Variants in FNDC3B observed in about 807,000 individuals in gnomAD.
FNDC3B encodes fibronectin type III domain containing 3B.
In FNDC3B, 12 loss-of-function variants were observed where a neutral mutation model predicts 151.5. The ratio of observed to expected loss-of-function variants is 0.08; its 90% confidence interval spans 0.05 to 0.13. FNDC3B has a LOEUF of 0.13. FNDC3B is among the 10% of genes least tolerant of loss of function. The pLI is 1.00. For synonymous variants in FNDC3B, 528 were observed against 549.0 expected (o/e 0.96, Z 0.54); for missense variants, 1,214 against 1,505.3 (o/e 0.81, Z 3.20).
At chr3:172,206,049 C>T (rs763321802) in intron 3 of FNDC3B, among the ~76,000 whole-genome samples, 6 of 152,074 alleles carry the variant, frequency 3.9e-5, no homozygotes, top group Admixed American at 1.3e-4. Flanking sequence ...ATGGATTGAG[C>T]GGGGATATGT....
intron 1 of FNDC3B, among the ~76,000 whole-genome samples, chr3:172,052,394 G>A (rs1716709883): frequency 6.6e-6 from 1 of 152,116 alleles, no homozygotes; most frequent in Non-Finnish European, 1.5e-5. Flanking sequence ...CCTTTTATAA[G>A]TGAAATTCTA....
At chr3:172,309,408 T>C (rs1731352572) in intron 10 of FNDC3B, among the ~76,000 whole-genome samples, 1 of 152,076 alleles carries the variant, frequency 6.6e-6, no homozygotes, top group Non-Finnish European at 1.5e-5. Flanking sequence ...AGTAGTGGGG[T>C]AGGATATCAT....
rs139220821 is a variant in FNDC3B, at chr3:172,367,763, G to A, written c.3008+4918G>A. Among the ~76,000 whole-genome samples, 187 of 152,316 alleles carry A rather than the reference G, an allele frequency of 1.2e-3. 1 individual carries two copies. Among genetic ancestry groups the A allele is most frequent in the Non-Finnish European group, 1.7e-3 (119 of 68,020 alleles). On this transcript the variant is annotated intron_variant, in intron 23 of 25. Transcript: ENST00000415807. ...TACACAACACTGAGGCGGGAAGAACGTAAATTCCAGGAATGCATTTATGGT... is the reference window on the plus strand; with the variant it reads ...TACACAACACTGAGGCGGGAAGAACATAAATTCCAGGAATGCATTTATGGT...
At chr3:172,162,590 A>G (rs1170211698) in intron 3 of FNDC3B, among the ~76,000 whole-genome samples, 1 of 150,946 alleles carries the variant, frequency 6.6e-6, no homozygotes, top group Admixed American at 6.6e-5. Flanking sequence ...GTACCACTTT[A>G]TCTTCCCACC....
rs150488615 is a variant in FNDC3B at position 172,133,480 on chromosome 3, G to T, written c.121G>T (p.Val41Phe). ...TGTGTTGTTTTGGCAGGTTATTCTC[G>T]TTCAAGTTAATCCAGGTGAGACTTT... is the stretch of plus-strand genomic sequence containing the variant. ...NGDAAQQVIL[V>F]QVNPGETFTI... Residue 41 changes from valine (V) to phenylalanine (F), a missense_variant, in exon 3 of 26, where the codon GTT becomes TTT. Coordinates refer to ENST00000415807, the MANE Select transcript of FNDC3B (RefSeq NM_022763.4). 1 of 1,612,894 alleles carries T rather than the reference G, an allele frequency of 6.2e-7. No homozygotes were observed. Among genetic ancestry groups the T allele is most frequent in the South Asian group, 1.1e-5 (1 of 90,986 alleles).
At chr3:172,332,470 G>A (rs2108291159) in intron 13 of FNDC3B, among the ~76,000 whole-genome samples, 1 of 152,332 alleles carries the variant, frequency 6.6e-6, no homozygotes, top group Middle Eastern at 3.4e-3. Flanking sequence ...TGGAATGTGA[G>A]CTTCTTGTGG....
chr3:172,350,251 C>G (rs180803976), intron 21 of FNDC3B, among the ~76,000 whole-genome samples: 1 of 152,178 alleles, frequency 6.6e-6, no homozygotes, highest in South Asian at 2.1e-4. Flanking sequence ...ATGAATTAGG[C>G]ATTACTGTCC....
intron 1 of FNDC3B, among the ~76,000 whole-genome samples, chr3:172,059,316 T>A (rs1934575111): frequency 6.6e-6 from 1 of 152,156 alleles, no homozygotes; most frequent in Admixed American, 6.5e-5. Flanking sequence ...TAGTAAGAAG[T>A]CCTGTGATCC....
chr3:172,308,680 A>G (rs1306256536), intron 10 of FNDC3B, among the ~76,000 whole-genome samples: 1 of 152,200 alleles, frequency 6.6e-6, no homozygotes, highest in Admixed American at 6.5e-5. Flanking sequence ...GGACAGAAGC[A>G]AAGTTTAAAC....
intron 3 of FNDC3B, among the ~76,000 whole-genome samples, chr3:172,209,680 C>G (rs567219275): frequency 6.6e-6 from 1 of 152,236 alleles, no homozygotes; most frequent in African/African-American, 2.4e-5. Flanking sequence ...CTGGCAGCCT[C>G]GACCATAGGC....
At chr3:172,300,147 A>G (rs78859439) in intron 9 of FNDC3B, among the ~76,000 whole-genome samples, 7 of 152,242 alleles carry the variant, frequency 4.6e-5, no homozygotes, top group African/African-American at 1.7e-4. Context: ...CACACTCTGT[A>G]CAAGAAGATC....
chr3:172,264,866 T>C (rs182766701), intron 6 of FNDC3B, among the ~76,000 whole-genome samples: 3 of 152,366 alleles, frequency 2.0e-5, no homozygotes, highest in Admixed American at 2.0e-4. Flanking sequence ...TCAGATAAGC[T>C]AACTGCCCTT....
At chr3:172,133,044 A>G (rs940104248) in intron 2 of FNDC3B, among the ~76,000 whole-genome samples, 3 of 152,150 alleles carry the variant, frequency 2.0e-5, no homozygotes, top group Non-Finnish European at 4.4e-5. Flanking sequence ...CACACAATAG[A>G]ATCATATAAC....
chr3:172,299,835 G>T (rs572273117), intron 9 of FNDC3B, among the ~76,000 whole-genome samples: 4 of 152,156 alleles, frequency 2.6e-5, no homozygotes, highest in African/African-American at 9.6e-5. Context: ...CCCTGAACGG[G>T]CTGTTTTAAC....
chr3:172,134,483 G>C (rs1336799630), intron 3 of FNDC3B: 5 of 469,300 alleles, frequency 1.1e-5, no homozygotes, highest in Admixed American at 2.3e-5. Flanking sequence ...CTAATCTGAG[G>C]CTTTACTATT....
chr3:172,176,794 G>A (rs956520223), intron 3 of FNDC3B, among the ~76,000 whole-genome samples: 13 of 152,182 alleles, frequency 8.5e-5, no homozygotes, highest in African/African-American at 2.9e-4. Context: ...AGCACAGTGA[G>A]GAAGACTTTA....
chr3:172,394,199 C>G (rs1908487), intron 25 of FNDC3B, among the ~76,000 whole-genome samples: 59,876 of 142,426 alleles, frequency 0.42, 12,611 homozygotes, highest in East Asian at 0.79. Context: ...CATCAAAAAG[C>G]AAGAGAGATC....
chr3:172,325,497 G>A lies in FNDC3B; in HGVS notation c.1255-3455G>A, dbSNP rs139844017. On this transcript the variant is annotated intron_variant, in intron 11 of 25. Coordinates refer to ENST00000415807, the MANE Select transcript of FNDC3B (RefSeq NM_022763.4). ...AATCTTTCAGTCCTCTAAAGCATTA[G>A]CTCTTTTCTTTTTTAACTCCATTTC... Among the ~76,000 whole-genome samples the A allele has an allele frequency of 5.3e-5, 8 of 152,282 alleles. No homozygotes were observed. In the East Asian group the frequency reaches 1.5e-3, roughly 29 times the overall value.
chr3:172,209,921 G>A (rs1384017699), intron 3 of FNDC3B, among the ~76,000 whole-genome samples: 2 of 152,270 alleles, frequency 1.3e-5, no homozygotes, highest in Non-Finnish European at 2.9e-5. Flanking sequence ...GGGCTGACAT[G>A]TCAGTGCTGC....
Sources: gnomAD v4.1 joint callset for allele counts (sites outside exome capture counted in the v4.1 genomes callset) on GRCh38, gnomAD v4.1.1 for gene constraint, MANE v1.5 for transcripts, NCBI Gene and HGNC (gene_info 2026-07-23, HGNC 2026-07-21) for gene names.